Variants in SCN11A observed in about 807,000 individuals in gnomAD.
SCN11A encodes the protein sodium voltage-gated channel alpha subunit 11.
A neutral mutation model predicts 162.2 loss-of-function variants in SCN11A; 122 were observed. The ratio of observed to expected loss-of-function variants is 0.75; its 90% confidence interval spans 0.65 to 0.87. The LOEUF is 0.87. Ranked by LOEUF, SCN11A falls within the 40% of genes least tolerant of loss-of-function variation. The probability of loss-of-function intolerance (pLI) is 0.00; values close to 1 mark genes in which losing one functional copy is unlikely to be tolerated. For missense variants in SCN11A, 2,015 were observed against 2,181.6 expected (o/e 0.92, Z 1.52); for synonymous variants, 758 against 751.5 (o/e 1.01, Z -0.14).
intron 16 of SCN11A, among the ~76,000 whole-genome samples, chr3:38,903,568 A>C (rs2065738377): frequency 6.6e-6 from 1 of 152,204 alleles, no homozygotes; most frequent in Non-Finnish European, 1.5e-5. Context: ...GATATGGTTA[A>C]CATTTTCTTG....
chr3:38,893,116 G>T (rs2065527822), intron 19 of SCN11A, among the ~76,000 whole-genome samples: 1 of 152,030 alleles, frequency 6.6e-6, no homozygotes, highest in Non-Finnish European at 1.5e-5. Flanking sequence ...TGTCTGCAGA[G>T]GACACATTTT....
intron 29 of SCN11A, among the ~76,000 whole-genome samples, chr3:38,847,972 G>A (rs1181107432): frequency 6.6e-6 from 1 of 152,188 alleles, no homozygotes; most frequent in Non-Finnish European, 1.5e-5. Context: ...GTGTGTAGAA[G>A]AATTTAAATA....
chr3:38,907,935 T>C lies in SCN11A; in HGVS notation c.1473+14A>G, dbSNP rs1387084641. 1 of 1,591,102 alleles carries C rather than the reference T, an allele frequency of 6.3e-7. No individual in the cohort carries two copies. The highest frequency in any genetic ancestry group is 8.5e-7 in the Non-Finnish European group (1 of 1,173,226). ...CAGCAATATGGTATCATTAATTCCC[T>C]GGAAAAGACTTACCTTTTTTTGGCA... On this transcript the variant is annotated intron_variant, in intron 14 of 29. Transcript: ENST00000302328.
At chr3:38,889,847 TAAAATAAAATAAAATAAAATAAAG>T (rs1285864751) in intron 19 of SCN11A, among the ~76,000 whole-genome samples, 6 of 114,142 alleles carry the variant, frequency 5.3e-5, no homozygotes, top group Non-Finnish European at 1.1e-4. Flanking sequence ...TAAAATAAAA[TAAAATAAAATAAAATAAAATAAAG>T]AAATAAATGC....
rs79722494 is a variant in SCN11A at position 39,028,825 on chromosome 3, C to T, written c.-280+3555G>A. Among the ~76,000 whole-genome samples, 583 of 152,284 alleles carry T rather than the reference C, an allele frequency of 3.8e-3. 5 individuals carry two copies. The highest frequency in any genetic ancestry group is 0.013 in the African/African-American group (556 of 41,546). ...GCAAGAACTCCCCATCGAGAACTAA[C>T]CCAGTCCCATGAGAGCAGCATTAAT... On this transcript the variant is annotated intron_variant, in intron 2 of 29. Coordinates refer to ENST00000302328, the MANE Select transcript of SCN11A (RefSeq NM_001349253.2).
chr3:38,965,571 G>A (rs2066776547), intron 2 of SCN11A, among the ~76,000 whole-genome samples: 1 of 152,134 alleles, frequency 6.6e-6, no homozygotes, highest in African/African-American at 2.4e-5. Context: ...GCTCTTCTCT[G>A]TTCCCTGCCC....
At chr3:38,996,998 C>T (rs1405148388) in intron 2 of SCN11A, among the ~76,000 whole-genome samples, 2 of 152,210 alleles carry the variant, frequency 1.3e-5, no homozygotes, top group African/African-American at 2.4e-5. Flanking sequence ...ATCAGTTCCC[C>T]GCTCAGTTAC....
intron 20 of SCN11A, 30 bp downstream of exon 20, chr3:38,886,095 G>A (rs758349585): frequency 4.6e-5 from 66 of 1,437,992 alleles, no homozygotes; most frequent in Non-Finnish European, 5.1e-5. Flanking sequence ...TGAGCCACAA[G>A]TTCCTCTGAC....
At chr3:38,907,350 C>CATATATATATA (rs1559523584) in intron 14 of SCN11A, among the ~76,000 whole-genome samples, 1 of 51,488 alleles carries the variant, frequency 1.9e-5, no homozygotes, top group African/African-American at 3.7e-5. Flanking sequence ...GTGTATATAT[C>CATATATATATA]TATATATACA....
intron 1 of SCN11A, among the ~76,000 whole-genome samples, chr3:39,041,763 A>G (rs2032053010): frequency 2.0e-5 from 3 of 152,182 alleles, no homozygotes; most frequent in African/African-American, 7.2e-5. Context: ...AAAGTACAAA[A>G]CTAACTGATT....
chr3:38,930,160 A>T (rs1263749287), intron 7 of SCN11A, among the ~76,000 whole-genome samples: 1 of 152,216 alleles, frequency 6.6e-6, no homozygotes, highest in African/African-American at 2.4e-5. Flanking sequence ...TAAACAGCTT[A>T]TCAGTTCAGA....
At chr3:38,932,939 CT>C (rs2066268125) in intron 7 of SCN11A, among the ~76,000 whole-genome samples, 1 of 152,242 alleles carries the variant, frequency 6.6e-6, no homozygotes, top group Non-Finnish European at 1.5e-5. Context: ...TCCCTGACCC[CT>C]GACCCCCGAG....
chr3:38,879,845 T>C (rs1217053340), intron 23 of SCN11A, 105 bp downstream of exon 23: 2 of 843,016 alleles, frequency 2.4e-6, no homozygotes, highest in African/African-American at 3.5e-5. Context: ...GAAAAACTAT[T>C]TTAGACAGAC....
chr3:38,851,762 C>A (rs574012821), intron 28 of SCN11A, among the ~76,000 whole-genome samples: 1 of 152,164 alleles, frequency 6.6e-6, no homozygotes, highest in African/African-American at 2.4e-5. Flanking sequence ...CATCTTTAGA[C>A]ACCCAAGGGA....
At chr3:38,997,533 T>A (rs1467729741) in intron 2 of SCN11A, among the ~76,000 whole-genome samples, 1 of 152,240 alleles carries the variant, frequency 6.6e-6, no homozygotes, top group Admixed American at 6.5e-5. Context: ...TACTCTCTTT[T>A]AACATCATAT....
chr3:39,007,220 C>A (rs748274848), intron 2 of SCN11A, among the ~76,000 whole-genome samples: 1 of 152,126 alleles, frequency 6.6e-6, no homozygotes, highest in African/African-American at 2.4e-5. Flanking sequence ...AAAAGAGCAA[C>A]TCAAAGCACT....
At chr3:38,865,809 T>C (rs2065030367) in intron 27 of SCN11A, among the ~76,000 whole-genome samples, 1 of 152,154 alleles carries the variant, frequency 6.6e-6, no homozygotes, top group Non-Finnish European at 1.5e-5. Context: ...GCCATCAACC[T>C]GTGAAAAAGT....
intron 26 of SCN11A, among the ~76,000 whole-genome samples, chr3:38,868,031 C>T (rs949991104): frequency 3.9e-5 from 6 of 152,122 alleles, no homozygotes; most frequent in Non-Finnish European, 7.3e-5. Flanking sequence ...AATAAATGAT[C>T]GAGCTCTAAA....
At chr3:38,981,561 G>C (rs924176334) in intron 2 of SCN11A, among the ~76,000 whole-genome samples, 2 of 150,240 alleles carry the variant, frequency 1.3e-5, no homozygotes, top group African/African-American at 5.0e-5. Context: ...GTGTGTGTGT[G>C]TGTGTGTATT....
Sources: allele counts gnomAD v4.1 joint callset (sites outside exome capture counted in the v4.1 genomes callset), GRCh38; gene constraint gnomAD v4.1.1; transcripts MANE v1.5; gene names NCBI Gene and HGNC (gene_info 2026-07-23, HGNC 2026-07-21).